The following WFS1 variants were observed in gnomAD, a reference collection of about 807,000 sequenced individuals.
WFS1 encodes wolframin.
Under a neutral mutation model 68.5 loss-of-function variants are expected in WFS1, and 90 were observed. The observed-to-expected ratio is 1.31, with a 90% CI of 1.11 to 1.56. The LOEUF is 1.56. Among genes scored for constraint, WFS1 ranks in the 40% most tolerant of loss-of-function variants. The pLI is 0.00. For synonymous variants in WFS1, 860 were observed against 540.7 expected (o/e 1.59, Z -8.19); for missense variants, 1,767 against 1,232.6 (o/e 1.43, Z -6.49).
rs1304900287 is a variant in WFS1 at position 6,301,757 on chromosome 4, A to C, written c.1962A>C (p.Ser654=). ...TCTGCTGGTTCTATGTGTACCGCTC[A>C]GAGGGCATGAAGGTCTACAACTCCA... The part of the protein sequence containing the change: ...VLFCWFYVYR[S]EGMKVYNSTL... The change falls in exon 8 of 8, where the codon TCA becomes TCC. Residue 654 remains serine, a synonymous_variant. Transcript: ENST00000226760. 2.5e-6 allele frequency: 4 copies of C among 1,613,804 alleles called. No individual in the cohort carries two copies. Among genetic ancestry groups the C allele is most frequent in the South Asian group, 1.1e-5 (1 of 91,090 alleles).
chr4:6,289,213 T>G (rs1381345824), intron 4 of WFS1, 82 bp downstream of exon 4: 3 of 1,493,694 alleles, frequency 2.0e-6, no homozygotes, highest in Non-Finnish European at 2.7e-6. Context: ...AACTAAAATC[T>G]TACCAAACCT....
In WFS1 at chr4:6,300,820, C is replaced by A. The variant is rs1291964915; in HGVS notation, c.1025C>A (p.Ala342Asp). 6.2e-7 allele frequency: 1 copy of A among 1,613,912 alleles called. No individual in the cohort carries two copies. Among genetic ancestry groups the A allele is most frequent in the Non-Finnish European group, 8.5e-7 (1 of 1,179,920 alleles). Reference protein sequence around the residue: ...IVSNLTIDFFAFFIPLVIFYL... With the variant: ...IVSNLTIDFFDFFIPLVIFYL... ...AGCAACCTCACCATCGACTTCTTCG[C>A]CTTCTTCATCCCGCTGGTCATCTTC... Residue 342 changes from alanine to aspartate, a missense_variant, in exon 8 of 8, where the codon GCC becomes GAC. Transcript: ENST00000226760.
chr4:6,295,771 G>A (rs1479489953), intron 7 of WFS1, among the ~76,000 whole-genome samples: 2 of 152,236 alleles, frequency 1.3e-5, no homozygotes, highest in East Asian at 3.9e-4. Context: ...AGCGGGGAGC[G>A]GGGAGCGGGA....
In WFS1 at chr4:6,291,939, C is replaced by A; in HGVS notation, c.654C>A (p.Pro218=). The change falls in exon 6 of 8, where the codon CCC becomes CCA. Residue 218 remains proline (P), a synonymous_variant. Coordinates refer to ENST00000226760, the MANE Select transcript of WFS1 (RefSeq NM_006005.3). ...CAGATGGAGGGGCGCAGCCAGGCCCCGTGCCCAAGTCCCTGCAGAAGCAGA... is the reference window on the plus strand; with the variant it reads ...CAGATGGAGGGGCGCAGCCAGGCCCAGTGCCCAAGTCCCTGCAGAAGCAGA... ...NEHDGGAQPG[P]VPKSLQKQRR... The A allele has an allele frequency of 6.2e-7, 1 of 1,611,206 alleles. No homozygotes were observed.
At chr4:6,296,013 C>G (rs971370427) in intron 7 of WFS1, among the ~76,000 whole-genome samples, 1 of 152,218 alleles carries the variant, frequency 6.6e-6, no homozygotes, top group Admixed American at 6.5e-5. Flanking sequence ...ACAGAGGCTG[C>G]GGGCAGTATC....
rs770147118 is a variant in WFS1, at chr4:6,295,031, C to T, written c.713-10C>T. On this transcript the variant is annotated splice_polypyrimidine_tract_variant and intron_variant, in intron 6 of 7. Transcript: ENST00000226760. ...GTGGGGCGCCCATGCTGTTTTCTCT[C>T]ATGCTTCAGCCAAGAACTACATCGC... 11 of 1,613,316 alleles carry T rather than the reference C, an allele frequency of 6.8e-6. No homozygotes were observed. Among genetic ancestry groups the T allele is most frequent in the South Asian group, 5.5e-5 (5 of 91,056 alleles).
intron 2 of WFS1, among the ~76,000 whole-genome samples, chr4:6,281,977 A>G (rs1002117544): frequency 3.3e-5 from 5 of 152,152 alleles, no homozygotes; most frequent in African/African-American, 4.8e-5. Flanking sequence ...ACTGTGGGTG[A>G]TGTCTACAGT....
chr4:6,274,335 C>T lies in WFS1; in HGVS notation c.-5-3116C>T, dbSNP rs562007939. On this transcript the variant is annotated intron_variant, in intron 1 of 7. Transcript: ENST00000226760. ...GTGCTGGGATTACAGGCGTGAGCCA[C>T]CGCGCCTGGCCGGCTTAGTTTTTTT... Among the ~76,000 whole-genome samples, 47 of 152,268 alleles carry T rather than the reference C, an allele frequency of 3.1e-4. 1 individual carries two copies. The South Asian group carries it at 9.7e-3, about 32-fold the overall frequency.
Position 6,302,489 on chromosome 4 carries a change from C to G in WFS1, c.*21C>G. ...CCTGAGGATGGTCCGCCACGAGGAG[C>G]TTCCAGTGCATGTTGCCATGAGGCC... On this transcript the variant is annotated 3_prime_UTR_variant, in exon 8 of 8. Coordinates refer to ENST00000226760, the MANE Select transcript of WFS1 (RefSeq NM_006005.3). 1 of 1,611,710 alleles carries G rather than the reference C, an allele frequency of 6.2e-7. No individual in the cohort carries two copies. Among genetic ancestry groups the G allele is most frequent in the Non-Finnish European group, 8.5e-7 (1 of 1,179,966 alleles).
Position 6,301,759 on chromosome 4 carries a change from A to G in WFS1, c.1964A>G (p.Glu655Gly), listed in dbSNP as rs1384223369. The G allele has an allele frequency of 3.7e-5, 59 of 1,613,732 alleles. No individual in the cohort carries two copies. Among genetic ancestry groups the G allele is most frequent in the Non-Finnish European group, 5.0e-5 (59 of 1,180,018 alleles). Residue 655 changes from glutamate (E) to glycine (G), a missense_variant, in exon 8 of 8, where the codon GAG (glutamate) becomes GGG (glycine). Physicochemically the swap from Glu to Gly is moderately conservative, Grantham distance 98. Coordinates refer to ENST00000226760, the MANE Select transcript of WFS1 (RefSeq NM_006005.3). ...TGCTGGTTCTATGTGTACCGCTCAGAGGGCATGAAGGTCTACAACTCCACA... is the reference window on the plus strand; with the variant it reads ...TGCTGGTTCTATGTGTACCGCTCAGGGGGCATGAAGGTCTACAACTCCACA... ...LFCWFYVYRS[E>G]GMKVYNSTLT...
In WFS1 at chr4:6,301,290, C is replaced by T. The variant is rs114152068; in HGVS notation, c.1495C>T (p.Leu499Phe). ...ITVPVGHLVVLNVSVPCLLYV... is the reference protein window; with the variant it reads ...ITVPVGHLVVFNVSVPCLLYV... Reference sequence around the variant, plus strand: ...CGTGCCTGTCGGCCACCTGGTCGTCCTCAACGTCAGCGTCCCGTGCCTGCT... The same window carrying T: ...CGTGCCTGTCGGCCACCTGGTCGTCTTCAACGTCAGCGTCCCGTGCCTGCT... The change falls in exon 8 of 8, where the codon CTC becomes TTC. Residue 499 changes from leucine to phenylalanine, a missense_variant. Transcript: ENST00000226760. The T allele has an allele frequency of 1.7e-3, 2,817 of 1,611,558 alleles. 21 individuals carry two copies. In the African/African-American group the frequency reaches 0.024, roughly 14 times the overall value.
At chr4:6,280,025 T>A (rs1275209184) in intron 2 of WFS1, among the ~76,000 whole-genome samples, 1 of 152,118 alleles carries the variant, frequency 6.6e-6, no homozygotes, top group African/African-American at 2.4e-5. Flanking sequence ...GGGGAACCAC[T>A]GCCAACGGGT....
chr4:6,300,220 A>T (rs1730828557), intron 7 of WFS1, among the ~76,000 whole-genome samples: 2 of 151,986 alleles, frequency 1.3e-5, no homozygotes, highest in East Asian at 3.9e-4. Context: ...AGGCTCAGGG[A>T]GGTGACATCC....
chr4:6,272,275 C>T lies in WFS1; in HGVS notation c.-6+2261C>T, dbSNP rs73072830. Among the ~76,000 whole-genome samples the T allele has an allele frequency of 4.4e-3, 674 of 152,374 alleles. 7 individuals are homozygous for T. The highest frequency in any genetic ancestry group is 0.016 in the African/African-American group (655 of 41,592). ...ACAAGATGGACCTACCCTCAGTCCA[C>T]ACCTGCTGCCCATCCAGGCCAGGCC... On this transcript the variant is annotated intron_variant, in intron 1 of 7. Coordinates refer to ENST00000226760, the MANE Select transcript of WFS1 (RefSeq NM_006005.3).
chr4:6,291,405 C>G (rs746674097), intron 5 of WFS1, 38 bp downstream of exon 5: 1 of 1,605,732 alleles, frequency 6.2e-7, no homozygotes, highest in South Asian at 1.1e-5. Flanking sequence ...CTTCCCTGGG[C>G]GCCAGCCTTC....
rs141472336 is a variant in WFS1 at position 6,301,232 on chromosome 4, C to T, written c.1437C>T (p.Pro479=). ...SLLPSMPLNW[P]YLKVLGQTFI... is the part of the protein sequence containing the mutation. ...TGCCCTCCATGCCCTTGAATTGGCC[C>T]TACCTGAAGGTCCTTGGCCAGACCT... The change falls in exon 8 of 8, where the codon CCC becomes CCT. Residue 479 remains proline (P), a synonymous_variant. Coordinates refer to ENST00000226760, the MANE Select transcript of WFS1 (RefSeq NM_006005.3). The T allele has an allele frequency of 7.4e-6, 12 of 1,611,846 alleles. No individual in the cohort carries two copies. In the East Asian group the frequency reaches 2.5e-4, roughly 33 times the overall value.
chr4:6,300,569 C>T (rs923788185), intron 7 of WFS1, 88 bp from the exon 8 acceptor site: 35 of 1,588,554 alleles, frequency 2.2e-5, no homozygotes, highest in Middle Eastern at 1.7e-4. Flanking sequence ...TCCTTTTGCC[C>T]AGAGGCAGGG....
At chr4:6,299,009 A>G (rs575614057) in intron 7 of WFS1, among the ~76,000 whole-genome samples, 1 of 152,332 alleles carries the variant, frequency 6.6e-6, no homozygotes, top group African/African-American at 2.4e-5. Flanking sequence ...GCCGCCCCCT[A>G]GGCGTCCACT....
intron 2 of WFS1, among the ~76,000 whole-genome samples, chr4:6,284,415 G>C (rs1190251182): frequency 6.6e-6 from 1 of 152,130 alleles, no homozygotes. Context: ...CTGTATATCG[G>C]GGAGATGTCT....
Sources: gnomAD v4.1 joint callset for allele counts (sites outside exome capture counted in the v4.1 genomes callset) on GRCh38, gnomAD v4.1.1 for gene constraint, MANE v1.5 for transcripts, NCBI Gene and HGNC (gene_info 2026-07-23, HGNC 2026-07-21) for gene names.